Variants in NLGN4X observed in about 807,000 individuals in gnomAD.
NLGN4X encodes neuroligin-4, X-linked.
Under a neutral mutation model 40.3 loss-of-function variants are expected in NLGN4X, and 3 were observed. The ratio of observed to expected loss-of-function variants is 0.07; its 90% CI spans 0.03 to 0.19. NLGN4X has a LOEUF of 0.19. Among genes scored for constraint, NLGN4X ranks in the 10% least tolerant of loss-of-function variants. The pLI, the probability that NLGN4X is intolerant of heterozygous loss-of-function variation, is 1.00. For missense variants in NLGN4X, 382 were observed against 708.3 expected (o/e 0.54, Z 5.23); for synonymous variants, 270 against 306.8 (o/e 0.88, Z 1.25).
intron 3 of NLGN4X, among the ~76,000 whole-genome samples, chrX:5,997,879 T>C (rs2035874939): frequency 9.0e-6 from 1 of 110,568 alleles, no homozygotes; most frequent in Admixed American, 9.7e-5. Flanking sequence ...GATGTGCCAA[T>C]GTGGTCAGTA....
rs748395962 is a variant in NLGN4X at position 6,081,679 on chromosome X, C to T, written c.473-52247G>A. ...CTGTGTCAAGGGAGTTGCAGTCAGA[C>T]TCTAAGATACCTAGCCTGCAGGGCA... On this transcript the variant is annotated intron_variant, in intron 2 of 5. Transcript: ENST00000381095. Among the ~76,000 whole-genome samples the T allele has an allele frequency of 1.4e-4, 16 of 112,242 alleles. No individual in the cohort carries two copies. In the South Asian group the frequency reaches 5.5e-3, roughly 39 times the overall value.
intron 3 of NLGN4X, among the ~76,000 whole-genome samples, chrX:5,979,470 G>C (rs903301354): frequency 9.0e-6 from 1 of 110,622 alleles, no homozygotes; most frequent in Non-Finnish European, 1.9e-5. Flanking sequence ...CCAGCAGCTT[G>C]GGGTGGACTC....
At chrX:5,992,747 G>A (rs186388010) in intron 3 of NLGN4X, among the ~76,000 whole-genome samples, 99 of 111,390 alleles carry the variant, frequency 8.9e-4, no homozygotes, top group Non-Finnish European at 1.4e-3. Flanking sequence ...TGCTGTGTGC[G>A]CAGATCATAT....
At chrX:5,996,791 G>A (rs765285713) in intron 3 of NLGN4X, among the ~76,000 whole-genome samples, 6 of 110,332 alleles carry the variant, frequency 5.4e-5, no homozygotes, top group Non-Finnish European at 9.5e-5. Flanking sequence ...TAGAGATGGG[G>A]TTTCACCATG....
chrX:5,919,805 C>T (rs1355468727), intron 3 of NLGN4X, among the ~76,000 whole-genome samples: 1 of 111,752 alleles, frequency 8.9e-6, no homozygotes, highest in African/African-American at 3.3e-5. Flanking sequence ...GTCCCTGGTG[C>T]CAAAAGTGTT....
intron 1 of NLGN4X, among the ~76,000 whole-genome samples, chrX:6,215,717 T>C (rs1925016254): frequency 9.0e-6 from 1 of 111,061 alleles, no homozygotes; most frequent in Admixed American, 9.6e-5. Flanking sequence ...GTACTTCAAA[T>C]TCAATGCAGG....
Position 6,024,098 on chromosome X carries a change from T to C in NLGN4X, c.625+5182A>G, listed in dbSNP as rs188157908. On this transcript the variant is annotated intron_variant, in intron 3 of 5. Coordinates refer to ENST00000381095, the MANE Select transcript of NLGN4X (RefSeq NM_181332.3). ...TGATTCAGTAATGGCCTTACAGGGATTCAGATTTATCAGATTATCCTCTGC... is the reference window on the plus strand; with the variant it reads ...TGATTCAGTAATGGCCTTACAGGGACTCAGATTTATCAGATTATCCTCTGC... 3.8e-3 allele frequency among the ~76,000 whole-genome samples: 429 copies of C among 112,188 alleles called. 4 individuals carry two copies. Among genetic ancestry groups the C allele is most frequent in the African/African-American group, 0.013 (411 of 30,880 alleles).
At chrX:6,064,579 C>T (rs1278832423) in intron 2 of NLGN4X, among the ~76,000 whole-genome samples, 1 of 111,261 alleles carries the variant, frequency 9.0e-6, no homozygotes, top group African/African-American at 3.3e-5. Context: ...AGCTGAAGCA[C>T]GTGTGCACAT....
intron 1 of NLGN4X, among the ~76,000 whole-genome samples, chrX:6,208,822 A>G (rs992218580): frequency 8.9e-6 from 1 of 111,969 alleles, no homozygotes; most frequent in African/African-American, 3.2e-5. Flanking sequence ...AACAGTATGG[A>G]GAGTCCTCAA....
intron 2 of NLGN4X, among the ~76,000 whole-genome samples, chrX:6,088,765 A>G (rs762959772): frequency 8.9e-6 from 1 of 112,167 alleles, no homozygotes; most frequent in South Asian, 3.8e-4. Flanking sequence ...TTTGGATGTT[A>G]TTAATGATAA....
At chrX:5,975,034 A>C (rs1257298015) in intron 3 of NLGN4X, among the ~76,000 whole-genome samples, 1 of 111,339 alleles carries the variant, frequency 9.0e-6, no homozygotes, top group Non-Finnish European at 1.9e-5. Flanking sequence ...GGGAGGATTC[A>C]CCTCTTGGGC....
At chrX:5,932,535 G>A (rs189270724) in intron 3 of NLGN4X, among the ~76,000 whole-genome samples, 35 of 111,686 alleles carry the variant, frequency 3.1e-4, no homozygotes, top group African/African-American at 9.7e-4. Context: ...AAATATATTC[G>A]ATCACCTAAG....
At position 6,209,494 on chromosome X, in the gene NLGN4X, T is replaced by A. The variant is rs746862759; in HGVS notation, c.-306+19047A>T. ...GGACAGCCACCACAACAAAGAATTATCCAGCCTCAACGTCAAGAGCACCAA... is the reference window on the plus strand; with the variant it reads ...GGACAGCCACCACAACAAAGAATTAACCAGCCTCAACGTCAAGAGCACCAA... On this transcript the variant is annotated intron_variant, in intron 1 of 5. Transcript: ENST00000381095. Among the ~76,000 whole-genome samples, 6 of 111,900 alleles carry A rather than the reference T, an allele frequency of 5.4e-5. No individual in the cohort carries two copies. In the East Asian group the frequency reaches 1.7e-3, roughly 32 times the overall value.
chrX:6,067,586 G>A (rs764201616), intron 2 of NLGN4X, among the ~76,000 whole-genome samples: 3 of 111,504 alleles, frequency 2.7e-5, no homozygotes, highest in East Asian at 5.7e-4. Flanking sequence ...TAACATACCC[G>A]GTCATGGCAT....
At chrX:6,219,243 A>ATG (rs2147898458) in intron 1 of NLGN4X, among the ~76,000 whole-genome samples, 1 of 105,145 alleles carries the variant, frequency 9.5e-6, no homozygotes, top group East Asian at 3.1e-4. Context: ...TATGTGGTGA[A>ATG]TGAACTTCCA....
intron 2 of NLGN4X, among the ~76,000 whole-genome samples, chrX:6,049,721 A>G (rs868801386): frequency 2.2e-3 from 48 of 21,846 alleles, no homozygotes; most frequent in Non-Finnish European, 4.0e-3. Flanking sequence ...TACAAAAGGA[A>G]AAATAAAATG....
chrX:6,122,098 A>G (rs781156759), intron 2 of NLGN4X, among the ~76,000 whole-genome samples: 3 of 112,168 alleles, frequency 2.7e-5, no homozygotes, highest in Non-Finnish European at 5.6e-5. Flanking sequence ...AGTGGATGGA[A>G]GTGATAGGGA....
intron 2 of NLGN4X, among the ~76,000 whole-genome samples, chrX:6,086,531 C>T (rs996662919): frequency 8.9e-6 from 1 of 112,217 alleles, no homozygotes; most frequent in African/African-American, 3.2e-5. Context: ...ATTGGCCTAA[C>T]GGGTATAATC....
At chrX:6,033,170 A>G (rs1243163939) in intron 2 of NLGN4X, among the ~76,000 whole-genome samples, 2 of 112,119 alleles carry the variant, frequency 1.8e-5, no homozygotes, top group Non-Finnish European at 3.8e-5. Flanking sequence ...ACATGTTGTA[A>G]TTTAAATAAA....
Sources: allele counts gnomAD v4.1 joint callset (sites outside exome capture counted in the v4.1 genomes callset), GRCh38; gene constraint gnomAD v4.1.1; transcripts MANE v1.5; gene names NCBI Gene and HGNC (gene_info 2026-07-23, HGNC 2026-07-21).